Variants in OXNAD1 observed in about 807,000 individuals in gnomAD.
OXNAD1 encodes the protein oxidoreductase NAD binding domain containing 1, also known as oxidoreductase NAD-binding domain-containing protein 1.
In OXNAD1, 34 loss-of-function variants were observed where a neutral mutation model predicts 32.9. The observed-to-expected ratio is 1.03, with a 90% confidence interval of 0.79 to 1.38. OXNAD1 has a LOEUF of 1.38. Ranked by LOEUF, OXNAD1 falls within the 40% of genes most tolerant of loss-of-function variation. OXNAD1 has a pLI of 0.00. For synonymous variants in OXNAD1, 134 were observed against 135.2 expected (o/e 0.99, Z 0.06); for missense variants, 407 against 379.4 (o/e 1.07, Z -0.60).
chr3:16,332,739 T>C (rs56063558), intron 9 of OXNAD1, among the ~76,000 whole-genome samples: 26,605 of 152,152 alleles, frequency 0.17, 2,446 homozygotes, highest in Middle Eastern at 0.28. Context: ...ATTAGTTAGA[T>C]TCCTCTATCT....
chr3:16,323,092 A>T (rs1490771734), intron 9 of OXNAD1, among the ~76,000 whole-genome samples: 1 of 152,072 alleles, frequency 6.6e-6, no homozygotes, highest in Non-Finnish European at 1.5e-5. Context: ...CCTTCTTTTC[A>T]TCCTAGTGGG....
At chr3:16,268,313 CTTTTTTTTTTTTTTTTTTT>C (rs531751365) in intron 1 of OXNAD1, among the ~76,000 whole-genome samples, 27 of 61,004 alleles carry the variant, frequency 4.4e-4, no homozygotes, top group South Asian at 2.0e-3. Flanking sequence ...AAGAGAACTC[CTTTTTTTTTTTTTTTTTTT>C]TTTTTTTTTT....
At chr3:16,325,176 T>A (rs1225351171) in intron 9 of OXNAD1, among the ~76,000 whole-genome samples, 1 of 152,212 alleles carries the variant, frequency 6.6e-6, no homozygotes, top group Non-Finnish European at 1.5e-5. Context: ...AATTCACACA[T>A]AATGGCTCAT....
intron 9 of OXNAD1, among the ~76,000 whole-genome samples, chr3:16,325,817 C>A (rs2069632131): frequency 1.3e-5 from 2 of 152,338 alleles, no homozygotes; most frequent in South Asian, 4.1e-4. Context: ...TCTGCACTCT[C>A]AATCACCCTG....
Position 16,316,898 on chromosome 3 carries a change from T to C in OXNAD1, c.*30+13306T>C, listed in dbSNP as rs1234584536. On this transcript the variant is annotated intron_variant, in intron 9 of 9. Coordinates refer to the OXNAD1 transcript ENST00000435829. The surrounding 1 kb of genome is among the most constrained non-coding windows in gnomAD (Gnocchi z 4.5). ...CCCGTCCCTGGCATCCTCTCCAGGA[T>C]TGGAGTGCCCAGTGCAAATCCCCAC... The C allele has an allele frequency of 6.2e-7, 1 of 1,614,156 alleles. No homozygotes were observed. The highest frequency in any genetic ancestry group is 1.1e-5 in the South Asian group (1 of 91,088).
At position 16,271,041 on chromosome 3, in the gene OXNAD1, T is replaced by G; in HGVS notation, c.89T>G (p.Leu30Arg). 6.2e-7 allele frequency: 1 copy of G among 1,614,192 alleles called. No homozygotes were observed. Among genetic ancestry groups the G allele is most frequent in the Non-Finnish European group, 8.5e-7 (1 of 1,180,026 alleles). Residue 30 changes from leucine (L) to arginine (R), a missense_variant, in exon 3 of 9, where the codon CTC becomes CGC. Leu to Arg is a moderately radical substitution (Grantham distance 102). Coordinates refer to ENST00000285083, the MANE Select transcript of OXNAD1 (RefSeq NM_138381.5). This position sits in a 1 kb window ranked among gnomAD's most constrained non-coding sequence, Gnocchi z 4.6. ...RIEAASLRLT[L>R]STLRHLTLTS... ...GAGGCTGCGTCACTGAGATTGACAC[T>G]CAGCACTTTGCGCCACCTTACTCTA...
downstream of OXNAD1, among the ~76,000 whole-genome samples, chr3:16,308,586 T>C (rs973121550): frequency 2.6e-5 from 4 of 152,220 alleles, no homozygotes; most frequent in Non-Finnish European, 4.4e-5. This position sits in a 1 kb window ranked among gnomAD's most constrained non-coding sequence, Gnocchi z 4.4. Flanking sequence ...TATACTGTTC[T>C]CATCTTAAAC....
rs2067237288 is a variant in OXNAD1 at position 16,302,266 on chromosome 3, T to C, written c.676-374T>C. Among the ~76,000 whole-genome samples the C allele has an allele frequency of 6.6e-6, 1 of 152,190 alleles. No individual in the cohort carries two copies. Among genetic ancestry groups the C allele is most frequent in the African/African-American group, 2.4e-5 (1 of 41,444 alleles). On this transcript the variant is annotated intron_variant, in intron 7 of 8. Transcript: ENST00000285083. This position sits in a 1 kb window ranked among gnomAD's most constrained non-coding sequence, Gnocchi z 4.2. ...TTGCATCTGTTTAAACTAAGTGCAT[T>C]TGATGAAGAAAGCTTTCACTGGGGA... is the stretch of plus-strand genomic sequence containing the variant.
chr3:16,288,829 G>C lies in OXNAD1; in HGVS notation c.290+2381G>C, dbSNP rs992974447. ...GGTGGAAAGCTTGGCACTCACTCTT[G>C]GGTCTGGAGCATGCCACCACTGGTC... is the stretch of plus-strand genomic sequence containing the variant. On this transcript the variant is annotated intron_variant, in intron 5 of 8. Transcript: ENST00000285083. The surrounding 1 kb of genome is among the most constrained non-coding windows in gnomAD (Gnocchi z 5.1). 1.8e-4 allele frequency among the ~76,000 whole-genome samples: 27 copies of C among 152,170 alleles called. No individual in the cohort carries two copies. The highest frequency in any genetic ancestry group is 6.5e-4 in the African/African-American group (27 of 41,428).
chr3:16,310,365 G>T (rs1267133300), downstream of OXNAD1, among the ~76,000 whole-genome samples: 2 of 152,010 alleles, frequency 1.3e-5, no homozygotes, highest in Non-Finnish European at 1.5e-5. Context: ...GAAATCAGAG[G>T]TCCATTATAG....
At position 16,317,738 on chromosome 3, in the gene OXNAD1, C is replaced by A. The variant is rs1004455116; in HGVS notation, c.*30+14146C>A. On this transcript the variant is annotated intron_variant, in intron 9 of 9. Transcript: ENST00000435829. The surrounding 1 kb of genome is among the most constrained non-coding windows in gnomAD (Gnocchi z 4.3). ...ACTGTGCTGTACCGCTCAGATCCCC[C>A]CACAGGACTGGCGGGCCCGCTCCCC... is the stretch of plus-strand genomic sequence containing the variant. 6.6e-6 allele frequency among the ~76,000 whole-genome samples: 1 copy of A among 151,044 alleles called. No individual in the cohort carries two copies.
rs975513912 is a variant in OXNAD1 at position 16,299,986 on chromosome 3, G to C, written c.433-1640G>C. On this transcript the variant is annotated intron_variant, in intron 6 of 8. Coordinates refer to ENST00000285083, the MANE Select transcript of OXNAD1 (RefSeq NM_138381.5). This position sits in a 1 kb window ranked among gnomAD's most constrained non-coding sequence, Gnocchi z 4.4. Reference sequence around the variant, plus strand: ...TCACACCAACCCTGTGAGGTGGGCAGTGCAGGTGCTGGTACCCATTTTCCA... The same window carrying C: ...TCACACCAACCCTGTGAGGTGGGCACTGCAGGTGCTGGTACCCATTTTCCA... Among the ~76,000 whole-genome samples, 1 of 152,196 alleles carries C rather than the reference G, an allele frequency of 6.6e-6. No homozygotes were observed. Among genetic ancestry groups the C allele is most frequent in the African/African-American group, 2.4e-5 (1 of 41,444 alleles).
At position 16,317,192 on chromosome 3, in the gene OXNAD1, T is replaced by C. The variant is rs759851412; in HGVS notation, c.*30+13600T>C. 5 of 1,613,534 alleles carry C rather than the reference T, an allele frequency of 3.1e-6. No homozygotes were observed. Among genetic ancestry groups the C allele is most frequent in the Non-Finnish European group, 3.4e-6 (4 of 1,179,980 alleles). ...GAGTTTACCTTTTGATTTCCTCATC[T>C]GCCTGTTGTGCATTTCTTCTCTGGA... On this transcript the variant is annotated intron_variant, in intron 9 of 9. Transcript: ENST00000435829. The surrounding 1 kb of genome is among the most constrained non-coding windows in gnomAD (Gnocchi z 4.3).
Position 16,269,284 on chromosome 3 carries a change from C to T in OXNAD1, c.-9+9C>T. ...TCTCGTGGACTTCTAAGGTAAGTTTCAACTTCTTTCTTTCAGGGATTAAGG... is the reference window on the plus strand; with the variant it reads ...TCTCGTGGACTTCTAAGGTAAGTTTTAACTTCTTTCTTTCAGGGATTAAGG... On this transcript the variant is annotated intron_variant, in intron 2 of 8. Coordinates refer to ENST00000285083, the MANE Select transcript of OXNAD1 (RefSeq NM_138381.5). 1 of 1,534,226 alleles carries T rather than the reference C, an allele frequency of 6.5e-7. No individual in the cohort carries two copies.
In OXNAD1 at chr3:16,271,709, T is replaced by G; in HGVS notation, c.170T>G (p.Val57Gly). Residue 57 changes from valine to glycine, a missense_variant, in exon 4 of 9, where the codon GTC becomes GGC. Coordinates refer to ENST00000285083, the MANE Select transcript of OXNAD1 (RefSeq NM_138381.5). The surrounding 1 kb of genome is among the most constrained non-coding windows in gnomAD (Gnocchi z 4.6). Reference sequence around the variant, plus strand: ...GATCACATGGAGAGAACTGCAAGTGTCCTTCGACGGGAGGTTTGTATCTTT... The same window carrying G: ...GATCACATGGAGAGAACTGCAAGTGGCCTTCGACGGGAGGTTTGTATCTTT... ...KTDHMERTAS[V>G]LRREIVSAAK... 3.1e-6 allele frequency: 5 copies of G among 1,608,080 alleles called. No homozygotes were observed. Among genetic ancestry groups the G allele is most frequent in the Non-Finnish European group, 4.2e-6 (5 of 1,178,532 alleles).
At chr3:16,328,968 A>G (rs1218688363) in intron 9 of OXNAD1, among the ~76,000 whole-genome samples, 2 of 152,236 alleles carry the variant, frequency 1.3e-5, no homozygotes, top group Non-Finnish European at 2.9e-5. Flanking sequence ...AAAAGAAGGA[A>G]AGTGCTAAGG....
intron 5 of OXNAD1, among the ~76,000 whole-genome samples, chr3:16,291,420 A>G (rs985292636): frequency 6.6e-6 from 1 of 152,192 alleles, no homozygotes; most frequent in Admixed American, 6.5e-5. Context: ...TTCATTCCCT[A>G]TCCTCCTGCC....
rs1160202433 is a variant in OXNAD1, at chr3:16,322,733, ACT to A, written c.*31-14374_*31-14373del. 2.6e-5 allele frequency among the ~76,000 whole-genome samples: 4 copies of A among 151,856 alleles called. No individual in the cohort carries two copies. Among genetic ancestry groups the A allele is most frequent in the South Asian group, 2.1e-4 (1 of 4,798 alleles). Reference sequence around the variant, plus strand: ...TCAACCTTCAGGAATCACAGAGAAGACTCTCTGAGAAGGCCAGTCTCTGTGCG... The same window carrying A: ...TCAACCTTCAGGAATCACAGAGAAGACTCTGAGAAGGCCAGTCTCTGTGCG... On this transcript the variant is annotated intron_variant, in intron 9 of 9. Coordinates refer to the OXNAD1 transcript ENST00000435829. The surrounding 1 kb of genome is among the most constrained non-coding windows in gnomAD (Gnocchi z 6.2).
chr3:16,346,113 C>G lies in OXNAD1; in HGVS notation c.*31-3063C>G, dbSNP rs1311710433. 2.0e-5 allele frequency: 3 copies of G among 152,194 alleles called. No individual in the cohort carries two copies. Among genetic ancestry groups the G allele is most frequent in the South Asian group, 2.1e-4 (1 of 4,814 alleles). 9.4% of individuals were successfully genotyped at this position (152,194 alleles called of 1,614,324 possible). On this transcript the variant is annotated intron_variant, in intron 9 of 9. Transcript: ENST00000606098. The surrounding 1 kb of genome is among the most constrained non-coding windows in gnomAD (Gnocchi z 4.4). ...CCTATGATTTAGGGTCTTCCAGCACCCCTCAGGAAGCTTGACAATGAAGAG... is the reference window on the plus strand; with the variant it reads ...CCTATGATTTAGGGTCTTCCAGCACGCCTCAGGAAGCTTGACAATGAAGAG...
Sources: allele counts gnomAD v4.1 joint callset (sites outside exome capture counted in the v4.1 genomes callset), GRCh38; gene constraint gnomAD v4.1.1; non-coding constraint Gnocchi (gnomAD v3.1); transcripts MANE v1.5; gene names NCBI Gene and HGNC (gene_info 2026-07-23, HGNC 2026-07-21).